The following RBFOX1 variants were observed in gnomAD, a reference collection of about 807,000 sequenced individuals.
RBFOX1 encodes the protein RNA binding protein fox-1 homolog 1.
Under a neutral mutation model 57.7 loss-of-function variants are expected in RBFOX1, and 8 were observed. That is an observed-to-expected ratio of 0.14 (90% CI 0.08 to 0.25). The LOEUF is 0.25. RBFOX1 is among the 10% of genes least tolerant of loss of function. The pLI is 1.00. For missense variants in RBFOX1, 611 were observed against 548.5 expected (o/e 1.11, Z -1.14); for synonymous variants, 326 against 222.4 (o/e 1.47, Z -4.15).
chr16:5,751,697 T>G (rs548608118), intron 3 of RBFOX1, among the ~76,000 whole-genome samples: 11 of 152,328 alleles, frequency 7.2e-5, no homozygotes, highest in Admixed American at 5.9e-4. Context: ...GGAAAAATAC[T>G]GTTAGCTGTA....
intron 4 of RBFOX1, among the ~76,000 whole-genome samples, chr16:7,295,576 G>C (rs957631222): frequency 6.6e-6 from 1 of 152,050 alleles, no homozygotes; most frequent in Non-Finnish European, 1.5e-5. Context: ...TTGTATGTCA[G>C]TAGACATATA....
intron 3 of RBFOX1, among the ~76,000 whole-genome samples, chr16:6,867,764 C>A (rs988304899): frequency 1.3e-5 from 2 of 152,164 alleles, no homozygotes; most frequent in Non-Finnish European, 2.9e-5. Context: ...GTGAATTACC[C>A]ATGGCATCAT....
Position 7,442,445 on chromosome 16 carries a change from A to G in RBFOX1, c.28-75702A>G, listed in dbSNP as rs765725112. ...TGTGAACAGACCTGCATGCTGTACAAAATTATTAGAAGCCCTGTGTCTCAG... is the reference window on the plus strand; with the variant it reads ...TGTGAACAGACCTGCATGCTGTACAGAATTATTAGAAGCCCTGTGTCTCAG... On this transcript the variant is annotated intron_variant, in intron 4 of 15. Transcript: ENST00000550418. 8.5e-5 allele frequency among the ~76,000 whole-genome samples: 13 copies of G among 152,202 alleles called. No homozygotes were observed. In the East Asian group the frequency reaches 1.7e-3, roughly 20 times the overall value.
At chr16:7,044,808 T>C (rs112515085) in intron 3 of RBFOX1, among the ~76,000 whole-genome samples, 2,801 of 152,308 alleles carry the variant, frequency 0.018, 41 homozygotes, top group Middle Eastern at 0.048. Context: ...GCAGGGTCTT[T>C]CTTCATCACA....
At chr16:6,670,191 G>A (rs1166453318) in intron 3 of RBFOX1, among the ~76,000 whole-genome samples, 1 of 151,064 alleles carries the variant, frequency 6.6e-6, no homozygotes, top group Non-Finnish European at 1.5e-5. Context: ...AGCTTCCCAA[G>A]TAGCTGGAAC....
intron 4 of RBFOX1, among the ~76,000 whole-genome samples, chr16:5,867,679 T>A (rs1000985051): frequency 2.0e-5 from 3 of 152,170 alleles, no homozygotes; most frequent in Admixed American, 1.3e-4. Flanking sequence ...TCCTTCTCTT[T>A]TGGCTTTTCT....
At chr16:7,445,830 A>G (rs1375824180) in intron 4 of RBFOX1, among the ~76,000 whole-genome samples, 4 of 152,212 alleles carry the variant, frequency 2.6e-5, no homozygotes, top group Non-Finnish European at 5.9e-5. Context: ...TAGAACCTTT[A>G]TCTCAATATT....
intron 2 of RBFOX1, among the ~76,000 whole-genome samples, chr16:6,531,128 C>A (rs1435356046): frequency 6.6e-6 from 1 of 152,166 alleles, no homozygotes; most frequent in Non-Finnish European, 1.5e-5. Flanking sequence ...CTTACCATGC[C>A]CAGTAGTAGG....
chr16:7,433,815 C>T (rs1307010093), intron 4 of RBFOX1, among the ~76,000 whole-genome samples: 1 of 151,634 alleles, frequency 6.6e-6, no homozygotes, highest in Non-Finnish European at 1.5e-5. Context: ...GCCAGCCTTT[C>T]TAAAAATACT....
At chr16:7,539,439 T>A (rs1392837428) in intron 5 of RBFOX1, among the ~76,000 whole-genome samples, 9 of 152,154 alleles carry the variant, frequency 5.9e-5, no homozygotes, top group Non-Finnish European at 1.3e-4. Context: ...AGTCTCTTCT[T>A]GTAGGTGGAA....
chr16:6,348,401 C>G (rs1371394899), intron 2 of RBFOX1, among the ~76,000 whole-genome samples: 1 of 152,170 alleles, frequency 6.6e-6, no homozygotes, highest in Non-Finnish European at 1.5e-5. Flanking sequence ...TATGGCATTT[C>G]TATGGCAAAT....
rs2059393243 is a variant in RBFOX1, at chr16:5,946,007, A to G, written c.351+78672A>G. On this transcript the variant is annotated intron_variant, in intron 4 of 19. Transcript: ENST00000641259. This position sits in a 1 kb window ranked among gnomAD's most constrained non-coding sequence, Gnocchi z 4.6. ...GAATGGAACATCCACACCGGCGTCC[A>G]CATTGGGTTTAAAAAGAGAAAAGAA... is the stretch of plus-strand genomic sequence containing the variant. Among the ~76,000 whole-genome samples the G allele has an allele frequency of 6.6e-6, 1 of 152,234 alleles. No homozygotes were observed. The highest frequency in any genetic ancestry group is 1.9e-4 in the East Asian group (1 of 5,202).
intron 14 of RBFOX1, among the ~76,000 whole-genome samples, chr16:7,678,982 G>C (rs1465318479): frequency 2.6e-5 from 4 of 152,108 alleles, no homozygotes; most frequent in Non-Finnish European, 4.4e-5. Flanking sequence ...TTGTTCATTA[G>C]AGAAATTTGC....
At chr16:6,206,772 G>C (rs569080770) in intron 1 of RBFOX1, among the ~76,000 whole-genome samples, 1 of 152,232 alleles carries the variant, frequency 6.6e-6, no homozygotes, top group South Asian at 2.1e-4. Flanking sequence ...GGTGCAGCAG[G>C]CTCTCCCTCC....
chr16:6,355,146 T>G (rs183353240), intron 2 of RBFOX1, among the ~76,000 whole-genome samples: 36 of 152,298 alleles, frequency 2.4e-4, no homozygotes, highest in Admixed American at 8.5e-4. Context: ...TTTTTTATTA[T>G]TAGTATACTT....
intron 3 of RBFOX1, among the ~76,000 whole-genome samples, chr16:6,684,623 C>T (rs371643208): frequency 3.9e-5 from 6 of 152,276 alleles, no homozygotes; most frequent in African/African-American, 1.4e-4. Context: ...GATGAGGGGA[C>T]AGCCACTGGA....
chr16:5,633,057 G>T (rs950465319), intron 3 of RBFOX1, among the ~76,000 whole-genome samples: 2 of 150,136 alleles, frequency 1.3e-5, no homozygotes, highest in Non-Finnish European at 2.9e-5. Context: ...TCCTGCCTCA[G>T]CCTCCTGAGT....
chr16:6,856,868 A>C (rs986089272), intron 3 of RBFOX1, among the ~76,000 whole-genome samples: 12 of 152,284 alleles, frequency 7.9e-5, no homozygotes, highest in African/African-American at 2.9e-4. Flanking sequence ...TCAGATAATA[A>C]TAATTCTGCT....
intron 2 of RBFOX1, among the ~76,000 whole-genome samples, chr16:6,581,146 C>T (rs1216352343): frequency 6.6e-6 from 1 of 152,080 alleles, no homozygotes. Context: ...CGTGGGACAA[C>T]CAGAGTCTAA....
Sources: gnomAD v4.1 joint callset for allele counts (sites outside exome capture counted in the v4.1 genomes callset) on GRCh38, gnomAD v4.1.1 for gene constraint, Gnocchi (gnomAD v3.1) non-coding constraint, MANE v1.5 for transcripts, NCBI Gene and HGNC (gene_info 2026-07-23, HGNC 2026-07-21) for gene names.